The following RAB31 variants were observed in gnomAD, a reference collection of about 807,000 sequenced individuals.
The protein encoded by RAB31 is RAB31, member RAS oncogene family.
Under a neutral mutation model 25.6 loss-of-function variants are expected in RAB31, and 21 were observed. The ratio of observed to expected loss-of-function variants is 0.82; its 90% CI spans 0.58 to 1.18. The LOEUF is 1.18. RAB31 is among the 50% of genes most tolerant of loss of function. The pLI, the probability that RAB31 is intolerant of heterozygous loss-of-function variation, is 0.00. For synonymous variants in RAB31, 87 were observed against 84.0 expected, an observed-to-expected ratio of 1.04 and a Z score of -0.20; for missense variants, 196 against 250.1, an observed-to-expected ratio of 0.78 and a Z score of 1.46.
intron 1 of RAB31, among the ~76,000 whole-genome samples, chr18:9,750,388 C>T (rs1440477019): frequency 1.3e-5 from 2 of 152,204 alleles, no homozygotes; most frequent in South Asian, 4.1e-4. Flanking sequence ...CCATTTAGAT[C>T]CATTTAGCAG....
At chr18:9,834,602 A>G (rs1476847) in intron 5 of RAB31, among the ~76,000 whole-genome samples, 18,733 of 152,254 alleles carry the variant, frequency 0.12, 1,416 homozygotes, top group East Asian at 0.37. Context: ...TTACAGAGAC[A>G]TAAGGAAAGA....
At chr18:9,753,498 A>C (rs1410559346) in intron 1 of RAB31, among the ~76,000 whole-genome samples, 2 of 152,226 alleles carry the variant, frequency 1.3e-5, no homozygotes, top group Admixed American at 1.3e-4. Flanking sequence ...TTGGACTCTC[A>C]GTCTCTGTAG....
chr18:9,755,523 T>G (rs1332652679), intron 1 of RAB31, among the ~76,000 whole-genome samples: 1 of 152,252 alleles, frequency 6.6e-6, no homozygotes, highest in African/African-American at 2.4e-5. Flanking sequence ...CAATTTTAGC[T>G]CATTGCTGTG....
At chr18:9,841,278 A>G (rs926362529) in intron 5 of RAB31, among the ~76,000 whole-genome samples, 20 of 150,624 alleles carry the variant, frequency 1.3e-4, no homozygotes, top group South Asian at 2.1e-4. Flanking sequence ...AGTGGCTCAC[A>G]CCTGTAATCC....
chr18:9,722,348 A>G (rs1447746661), intron 1 of RAB31, among the ~76,000 whole-genome samples: 1 of 152,132 alleles, frequency 6.6e-6, no homozygotes, highest in Admixed American at 6.5e-5. Context: ...GGTGGTGCAC[A>G]TGATCCCATG....
At chr18:9,836,020 T>C (rs1265380624) in intron 5 of RAB31, among the ~76,000 whole-genome samples, 3 of 151,886 alleles carry the variant, frequency 2.0e-5, no homozygotes, top group African/African-American at 7.3e-5. Flanking sequence ...TTTGATGAGA[T>C]GTTGTGAATG....
At position 9,762,745 on chromosome 18, in the gene RAB31, T is replaced by A. The variant is rs1046777273; in HGVS notation, c.40-12533T>A. 2.6e-5 allele frequency among the ~76,000 whole-genome samples: 4 copies of A among 152,194 alleles called. No homozygotes were observed. The East Asian group carries it at 7.7e-4, about 29-fold the overall frequency. On this transcript the variant is annotated intron_variant, in intron 1 of 6. Transcript: ENST00000578921. ...TCTTCTTCCCCATTTAAAAGTCGTC[T>A]TCCTTCTTTAACTGATCTGAAGAGT...
At chr18:9,830,830 C>G (rs1436716078) in intron 5 of RAB31, among the ~76,000 whole-genome samples, 1 of 152,124 alleles carries the variant, frequency 6.6e-6, no homozygotes, top group East Asian at 1.9e-4. Context: ...ATAAGCTTTA[C>G]AGTTTTGGTT....
Position 9,799,359 on chromosome 18 carries a change from T to C in RAB31, c.201+7124T>C, listed in dbSNP as rs77774683. Among the ~76,000 whole-genome samples the C allele has an allele frequency of 4.1e-3, 631 of 152,360 alleles. 2 individuals are homozygous for C. The highest frequency in any genetic ancestry group is 0.015 in the African/African-American group (605 of 41,588). ...CACAGCATTCTGGTTAATGTCCTAC[T>C]TACTGCCCAGTAATAATTCTATCTT... On this transcript the variant is annotated intron_variant, in intron 3 of 6. Transcript: ENST00000578921.
intron 1 of RAB31, among the ~76,000 whole-genome samples, chr18:9,709,452 G>T (rs1005273435): frequency 6.6e-6 from 1 of 152,204 alleles, no homozygotes; most frequent in South Asian, 2.1e-4. Flanking sequence ...GGCAGCGAAA[G>T]GGTCGCATTC....
intron 5 of RAB31, among the ~76,000 whole-genome samples, chr18:9,827,261 G>C (rs192193050): frequency 4.7e-4 from 72 of 152,118 alleles, no homozygotes; most frequent in Admixed American, 9.2e-4. Context: ...TTAGGGCCAC[G>C]AATGAATCAG....
chr18:9,834,631 A>G (rs1381628325), intron 5 of RAB31, among the ~76,000 whole-genome samples: 1 of 152,254 alleles, frequency 6.6e-6, no homozygotes, highest in Non-Finnish European at 1.5e-5. Context: ...AGAAATATTC[A>G]AAGTTCAAAA....
chr18:9,776,797 T>C (rs2068374487), intron 2 of RAB31, among the ~76,000 whole-genome samples: 1 of 152,160 alleles, frequency 6.6e-6, no homozygotes, highest in Non-Finnish European at 1.5e-5. Flanking sequence ...GTCTTCTACA[T>C]GGGGCAGTGA....
chr18:9,732,079 C>A (rs1441305139), intron 1 of RAB31, among the ~76,000 whole-genome samples: 1 of 152,216 alleles, frequency 6.6e-6, no homozygotes, highest in African/African-American at 2.4e-5. Context: ...CAGCGAGAAA[C>A]GATGCCCAGC....
intron 1 of RAB31, among the ~76,000 whole-genome samples, chr18:9,773,006 G>T (rs1197070680): frequency 1.3e-5 from 2 of 152,204 alleles, no homozygotes; most frequent in Admixed American, 1.3e-4. Context: ...CTCAGGAGCT[G>T]ATGTTTTGAT....
At chr18:9,739,223 C>T (rs1016943145) in intron 1 of RAB31, among the ~76,000 whole-genome samples, 5 of 152,088 alleles carry the variant, frequency 3.3e-5, no homozygotes, top group African/African-American at 1.2e-4. Flanking sequence ...GCCCGTAATC[C>T]CAGCACTTTG....
chr18:9,763,271 A>T (rs1321025234), intron 1 of RAB31, among the ~76,000 whole-genome samples: 1 of 152,180 alleles, frequency 6.6e-6, no homozygotes, highest in Non-Finnish European at 1.5e-5. Context: ...GATCAGAGAG[A>T]TGAGGAGACA....
intron 1 of RAB31, among the ~76,000 whole-genome samples, chr18:9,756,910 C>A (rs957539553): frequency 3.3e-5 from 5 of 152,178 alleles, no homozygotes; most frequent in Non-Finnish European, 5.9e-5. Flanking sequence ...ACTGATGGTG[C>A]CCTTGGCTCC....
intron 2 of RAB31, among the ~76,000 whole-genome samples, chr18:9,781,599 G>A (rs375117923): frequency 5.9e-5 from 9 of 152,316 alleles, no homozygotes; most frequent in African/African-American, 1.9e-4. Context: ...GTGAGCCACC[G>A]CGCCCAGCCC....
Sources: gnomAD v4.1 joint callset for allele counts (sites outside exome capture counted in the v4.1 genomes callset) on GRCh38, gnomAD v4.1.1 for gene constraint, MANE v1.5 for transcripts, NCBI Gene and HGNC (gene_info 2026-07-23, HGNC 2026-07-21) for gene names.